LRRFIP2: variants seen among roughly 807,000 people sequenced by gnomAD.
LRRFIP2 encodes the protein LRR binding FLII interacting protein 2, also known as leucine-rich repeat flightless-interacting protein 2.
A neutral mutation model predicts 125.9 loss-of-function variants in LRRFIP2; 109 were observed. That is an observed-to-expected ratio of 0.87 (90% CI 0.74 to 1.01). The LOEUF (loss-of-function observed/expected upper bound fraction) is 1.01, where lower values mean the gene tolerates loss of function less well. Ranked by LOEUF, LRRFIP2 falls within the 50% of genes least tolerant of loss-of-function variation. The pLI is 0.00. For missense variants in LRRFIP2, 850 were observed against 862.3 expected (o/e 0.99, Z 0.18); for synonymous variants, 291 against 293.1 (o/e 0.99, Z 0.07).
intron 6 of LRRFIP2, 75 bp from the exon 7 acceptor site, chr3:37,115,170 G>C: frequency 9.7e-7 from 1 of 1,026,240 alleles, no homozygotes; most frequent in Non-Finnish European, 1.5e-6. Flanking sequence ...AGTAATATTT[G>C]AGGTTATTTT....
chr3:37,161,179 T>TAAAAAAAAAAAA (rs60688555), intron 1 of LRRFIP2, among the ~76,000 whole-genome samples: 1 of 88,116 alleles, frequency 1.1e-5, no homozygotes, highest in African/African-American at 4.4e-5. Flanking sequence ...CCCCATCTAC[T>TAAAAAAAAAAAA]AAAAAAAAAA....
intron 1 of LRRFIP2, among the ~76,000 whole-genome samples, chr3:37,161,792 GAA>G (rs540214528): frequency 3.0e-4 from 21 of 70,096 alleles, no homozygotes; most frequent in African/African-American, 8.0e-4. Flanking sequence ...ACAGAAAACA[GAA>G]AAAAAAAAAA....
intron 24 of LRRFIP2, among the ~76,000 whole-genome samples, chr3:37,059,674 C>A (rs1185938139): frequency 1.3e-5 from 2 of 152,016 alleles, no homozygotes; most frequent in Non-Finnish European, 2.9e-5. Context: ...GTAGTCCCAA[C>A]TACTCCAGAG....
chr3:37,116,597 T>A (rs1031494245), intron 6 of LRRFIP2, among the ~76,000 whole-genome samples: 57 of 152,318 alleles, frequency 3.7e-4, no homozygotes, highest in African/African-American at 1.2e-3. Context: ...ATGTGTATAC[T>A]GACTTATGGT....
intron 7 of LRRFIP2, among the ~76,000 whole-genome samples, chr3:37,113,997 G>C (rs2094658403): frequency 2.6e-5 from 4 of 152,174 alleles, no homozygotes; most frequent in Admixed American, 2.6e-4. Context: ...AAATAAGAGA[G>C]TGTGGCTAGA....
chr3:37,114,964 C>G, intron 7 of LRRFIP2, 90 bp downstream of exon 7: 1 of 1,014,350 alleles, frequency 9.9e-7, no homozygotes, highest in East Asian at 2.4e-5. Context: ...CATAACAAAG[C>G]CATGAAAGTT....
At chr3:37,126,500 C>A (rs2095277950) in intron 4 of LRRFIP2, among the ~76,000 whole-genome samples, 1 of 151,956 alleles carries the variant, frequency 6.6e-6, no homozygotes, top group Non-Finnish European at 1.5e-5. Context: ...CAAAGGTCAC[C>A]CCTTTCAATG....
intron 2 of LRRFIP2, among the ~76,000 whole-genome samples, chr3:37,145,750 G>A (rs2095842171): frequency 6.6e-6 from 1 of 152,180 alleles, no homozygotes; most frequent in Non-Finnish European, 1.5e-5. Flanking sequence ...GCTATTAATG[G>A]TGGAATTAGA....
Position 37,112,997 on chromosome 3 carries a change from C to A in LRRFIP2, c.373-17G>T. On this transcript the variant is annotated splice_polypyrimidine_tract_variant and intron_variant, in intron 7 of 27. Transcript: ENST00000336686. ...AGAATGATTCTGGAAGTAAATATTC[C>A]AAGTTAACTTCAATGATTGCATAGC... 1 of 1,456,128 alleles carries A rather than the reference C, an allele frequency of 6.9e-7. No individual in the cohort carries two copies. Among genetic ancestry groups the A allele is most frequent in the Non-Finnish European group, 9.5e-7 (1 of 1,050,632 alleles). 90.2% of individuals were successfully genotyped at this position (1,456,128 alleles called of 1,614,324 possible).
intron 2 of LRRFIP2, among the ~76,000 whole-genome samples, chr3:37,134,416 G>C (rs953904912): frequency 6.6e-6 from 1 of 152,188 alleles, no homozygotes; most frequent in African/African-American, 2.4e-5. Context: ...TTGTGGATTT[G>C]GGGGTGGAAC....
At chr3:37,116,297 T>G in intron 6 of LRRFIP2, among the ~76,000 whole-genome samples, 1 of 126,756 alleles carries the variant, frequency 7.9e-6, no homozygotes, top group East Asian at 2.0e-4. Context: ...CATACTTACC[T>G]AATTTTTTTT....
chr3:37,125,471 A>C (rs2095241557), intron 4 of LRRFIP2, among the ~76,000 whole-genome samples: 1 of 152,040 alleles, frequency 6.6e-6, no homozygotes, highest in South Asian at 2.1e-4. Flanking sequence ...CAGGTGTGGC[A>C]CTCTCTCATA....
intron 6 of LRRFIP2, among the ~76,000 whole-genome samples, chr3:37,120,268 G>A (rs748253367): frequency 7.3e-5 from 11 of 151,684 alleles, no homozygotes; most frequent in East Asian, 1.9e-4. Flanking sequence ...CACCACACCC[G>A]GCTAATTTTG....
chr3:37,094,663 A>G (rs2093633896), intron 17 of LRRFIP2, 129 bp downstream of exon 17: 1 of 617,650 alleles, frequency 1.6e-6, no homozygotes, highest in South Asian at 2.1e-5. Flanking sequence ...ACACTTTTGT[A>G]CAGTACTTAT....
rs114632547 is a variant in LRRFIP2, at chr3:37,074,286, C to T, written c.1371+738G>A. Among the ~76,000 whole-genome samples the T allele has an allele frequency of 2.6e-3, 396 of 152,294 alleles. 1 individual carries two copies. The highest frequency in any genetic ancestry group is 8.5e-3 in the African/African-American group (355 of 41,568). On this transcript the variant is annotated intron_variant, in intron 20 of 27. Coordinates refer to ENST00000336686, the MANE Select transcript of LRRFIP2 (RefSeq NM_006309.4). Reference sequence around the variant, plus strand: ...CTCCTGGGATCATTAACAATCTATGCTTCCTGACATCTCTGGCGTGTCAAC... The same window carrying T: ...CTCCTGGGATCATTAACAATCTATGTTTCCTGACATCTCTGGCGTGTCAAC...
chr3:37,104,187 A>G (rs2094206086), intron 14 of LRRFIP2, among the ~76,000 whole-genome samples: 1 of 152,198 alleles, frequency 6.6e-6, no homozygotes, highest in Non-Finnish European at 1.5e-5. Flanking sequence ...GAGAATTTTG[A>G]TAGGCATTTT....
chr3:37,158,729 T>C (rs1213755680), intron 1 of LRRFIP2, among the ~76,000 whole-genome samples: 1 of 151,570 alleles, frequency 6.6e-6, no homozygotes, highest in Non-Finnish European at 1.5e-5. Context: ...GTAAGGGAAA[T>C]GGGAACACAT....
chr3:37,092,401 T>C (rs935801736), intron 17 of LRRFIP2, among the ~76,000 whole-genome samples: 2 of 152,198 alleles, frequency 1.3e-5, no homozygotes, highest in African/African-American at 4.8e-5. Flanking sequence ...GCCTCTCCAG[T>C]AGGTTTGACT....
chr3:37,065,614 C>T (rs1333972087), intron 23 of LRRFIP2, 196 bp downstream of exon 23: 2 of 716,852 alleles, frequency 2.8e-6, no homozygotes, highest in Non-Finnish European at 2.5e-6. Context: ...TATTGCCTTA[C>T]AGTGACCCAG....
Sources: gnomAD v4.1 joint callset for allele counts (sites outside exome capture counted in the v4.1 genomes callset) on GRCh38, gnomAD v4.1.1 for gene constraint, MANE v1.5 for transcripts, NCBI Gene and HGNC (gene_info 2026-07-23, HGNC 2026-07-21) for gene names.